Variants in ERH observed in about 807,000 individuals in gnomAD.
The protein encoded by ERH is ERH mRNA splicing and mitosis factor.
In ERH, 1 loss-of-function variant was observed where a neutral mutation model predicts 16.8. The observed-to-expected ratio is 0.06, with a 90% confidence interval of 0.02 to 0.28. The LOEUF (loss-of-function observed/expected upper bound fraction) is 0.28. Among genes scored for constraint, ERH ranks in the 10% least tolerant of loss-of-function variants. The probability of loss-of-function intolerance (pLI) is 1.00; values close to 1 mark genes in which losing one functional copy is unlikely to be tolerated. For missense variants in ERH, 42 were observed against 127.5 expected (o/e 0.33, Z 3.23); for synonymous variants, 43 against 43.6 (o/e 0.99, Z 0.05).
At chr14:69,394,771 A>C in intron 2 of ERH, 54 bp downstream of exon 2, 1 of 1,391,624 alleles carries the variant, frequency 7.2e-7, no homozygotes, top group South Asian at 1.2e-5. Flanking sequence ...GGAGGGGAAA[A>C]ACCCAGTTCC....
chr14:69,384,982 C>A (rs1468849899), intron 3 of ERH, among the ~76,000 whole-genome samples: 2 of 152,164 alleles, frequency 1.3e-5, no homozygotes, highest in Non-Finnish European at 2.9e-5. Flanking sequence ...TTCCTAATTT[C>A]AAGCATGTCA....
chr14:69,396,794 C>T (rs1294847283), intron 1 of ERH, among the ~76,000 whole-genome samples: 1 of 152,214 alleles, frequency 6.6e-6, no homozygotes, highest in Non-Finnish European at 1.5e-5. Context: ...CTGTAATAAC[C>T]TGAGCAGTCA....
At position 69,380,209 on chromosome 14, in the gene ERH, A is replaced by T; in HGVS notation, c.*329T>A. On this transcript the variant is annotated 3_prime_UTR_variant, in exon 4 of 4. Coordinates refer to ENST00000557016, the MANE Select transcript of ERH (RefSeq NM_004450.3). ...AAACTGCATTTCCACCCCCCACCCC[A>T]TCTTGAAGAAGGGTTAGTATGTGAA... 5.5e-6 allele frequency: 1 copy of T among 181,706 alleles called. No homozygotes were observed. Among genetic ancestry groups the T allele is most frequent in the Non-Finnish European group, 1.1e-5 (1 of 88,014 alleles). 11.3% of individuals were successfully genotyped at this position (181,706 alleles called of 1,614,324 possible).
intron 2 of ERH, among the ~76,000 whole-genome samples, chr14:69,388,790 T>C (rs372083775): frequency 2.0e-5 from 3 of 152,328 alleles, no homozygotes; most frequent in African/African-American, 7.2e-5. Flanking sequence ...AGAAAAAACA[T>C]GTCCTATACT....
chr14:69,388,431 G>A (rs1316006050), intron 2 of ERH, among the ~76,000 whole-genome samples: 1 of 151,866 alleles, frequency 6.6e-6, no homozygotes, highest in African/African-American at 2.4e-5. Context: ...TGAGATCTTG[G>A]CTCACTGCAA....
chr14:69,386,001 A>G (rs538136183), intron 3 of ERH, among the ~76,000 whole-genome samples: 17 of 152,274 alleles, frequency 1.1e-4, no homozygotes, highest in African/African-American at 4.1e-4. Context: ...GGACTTCTAC[A>G]CTAGCTGTCC....
chr14:69,384,403 C>A (rs1250183141), intron 3 of ERH, among the ~76,000 whole-genome samples: 1 of 152,210 alleles, frequency 6.6e-6, no homozygotes, highest in Non-Finnish European at 1.5e-5. Context: ...TCAAAGGGAG[C>A]TAGCAAATGG....
Position 69,387,025 on chromosome 14 carries a change from G to A in ERH, c.150C>T (p.Ile50=). 1 of 1,613,184 alleles carries A rather than the reference G, an allele frequency of 6.2e-7. No individual in the cohort carries two copies. The highest frequency in any genetic ancestry group is 1.7e-5 in the Admixed American group (1 of 60,020). ...CAAACAACTGACTGATGTCATATGT[G>A]ATAGAGGGACTGTTGGGATTCATTC... ...LKRMNPNSPS[I]TYDISQLFDF... Residue 50 remains isoleucine, a synonymous_variant, in exon 3 of 4, where the codon ATC becomes ATT. Transcript: ENST00000557016.
chr14:69,393,080 G>A (rs1198905790), intron 2 of ERH, among the ~76,000 whole-genome samples: 1 of 152,214 alleles, frequency 6.6e-6, no homozygotes, highest in Admixed American at 6.5e-5. Context: ...ACTTTGGGAA[G>A]CCGAGGTGGG....
chr14:69,394,583 C>T (rs189900198), intron 2 of ERH, among the ~76,000 whole-genome samples: 26 of 151,630 alleles, frequency 1.7e-4, no homozygotes, highest in African/African-American at 4.4e-4. Context: ...GGTGATAGAG[C>T]GAGACTCTGT....
At chr14:69,388,656 C>T (rs544959488) in intron 2 of ERH, among the ~76,000 whole-genome samples, 12 of 152,278 alleles carry the variant, frequency 7.9e-5, no homozygotes, top group African/African-American at 2.6e-4. Flanking sequence ...GCCATCGTGC[C>T]CGGCCTGATA....
chr14:69,382,161 G>A (rs551772429), intron 3 of ERH, among the ~76,000 whole-genome samples: 1 of 152,282 alleles, frequency 6.6e-6, no homozygotes, highest in East Asian at 1.9e-4. Context: ...AAATTCCAAA[G>A]TAGGAATGCT....
chr14:69,383,164 A>T (rs937997670), intron 3 of ERH, among the ~76,000 whole-genome samples: 10 of 152,268 alleles, frequency 6.6e-5, no homozygotes, highest in African/African-American at 2.4e-4. Flanking sequence ...TTTAAAAAAC[A>T]TACAGATCAG....
chr14:69,398,083 C>CG, intron 1 of ERH, 148 bp downstream of exon 1: 1 of 1,032,424 alleles, frequency 9.7e-7, no homozygotes, highest in South Asian at 1.4e-5. Context: ...GTCCCTGCGG[C>CG]GGGAAGAAGG....
Position 69,380,562 on chromosome 14 carries a change from C to G in ERH, c.291G>C (p.Arg97=), listed in dbSNP as rs770649759. The G allele has an allele frequency of 2.5e-6, 4 of 1,610,018 alleles. No homozygotes were observed. The highest frequency in any genetic ancestry group is 3.4e-6 in the Non-Finnish European group (4 of 1,176,986). ...ATTATTTCCCAGCCTGTTGGGCCTG[C>G]CGACGAAGGAGCACGTAGATCTTCT... ...IKEKIYVLLR[R]QAQQAGK Residue 97 remains arginine (R), a synonymous_variant, in exon 4 of 4, where the codon CGG becomes CGC. Transcript: ENST00000557016.
intron 3 of ERH, among the ~76,000 whole-genome samples, chr14:69,383,890 G>A (rs1195750098): frequency 6.6e-6 from 1 of 152,182 alleles, no homozygotes; most frequent in Non-Finnish European, 1.5e-5. Context: ...GCTCATGCCT[G>A]TAATATCACT....
chr14:69,391,433 G>C (rs1294558034), intron 2 of ERH, among the ~76,000 whole-genome samples: 1 of 151,734 alleles, frequency 6.6e-6, no homozygotes. Flanking sequence ...ATCACTTGAG[G>C]TCAGGAGTTT....
chr14:69,392,602 C>T (rs940115557), intron 2 of ERH, among the ~76,000 whole-genome samples: 1 of 152,094 alleles, frequency 6.6e-6, no homozygotes, highest in Non-Finnish European at 1.5e-5. Flanking sequence ...GCTGTAATGG[C>T]GGACACATGA....
chr14:69,396,911 T>C (rs1882351661), intron 1 of ERH, among the ~76,000 whole-genome samples: 2 of 152,240 alleles, frequency 1.3e-5, no homozygotes, highest in Non-Finnish European at 2.9e-5. Context: ...AACGAGTCAT[T>C]TAAGAAAAAA....
Sources: gnomAD v4.1 joint callset for allele counts (sites outside exome capture counted in the v4.1 genomes callset) on GRCh38, gnomAD v4.1.1 for gene constraint, MANE v1.5 for transcripts, NCBI Gene and HGNC (gene_info 2026-07-23, HGNC 2026-07-21) for gene names.